Variants in LINC02747 observed in about 807,000 individuals in gnomAD.
LINC02747 encodes CCND1-upstream intergenic DNA repair 2.
chr11:69,478,485 G>T (rs1857016356), intron 1 of LINC02747, among the ~76,000 whole-genome samples: 2 of 152,166 alleles, frequency 1.3e-5, no homozygotes, highest in South Asian at 4.1e-4. Flanking sequence ...CTCAGGGCTG[G>T]GCTGGCGTCT....
At chr11:69,480,792 C>G (rs1175783181) in intron 1 of LINC02747, among the ~76,000 whole-genome samples, 2 of 152,212 alleles carry the variant, frequency 1.3e-5, no homozygotes. Flanking sequence ...CTGACCTCAT[C>G]ATGTGGAAGA....
upstream of LINC02747, chr11:69,481,548 G>T (rs752968639): frequency 6.6e-6 from 1 of 152,342 alleles, no homozygotes; most frequent in African/African-American, 2.4e-5. Flanking sequence ...AGCCCTCTGG[G>T]AATGCGGAGG....
At chr11:69,478,662 T>C (rs1222617072) in intron 1 of LINC02747, among the ~76,000 whole-genome samples, 3 of 151,410 alleles carry the variant, frequency 2.0e-5, no homozygotes, top group Non-Finnish European at 4.4e-5. Context: ...CTGGTCAACA[T>C]GTTTCTACCA....
intron 1 of LINC02747, chr11:69,479,612 G>A (rs905575343): frequency 1.3e-5 from 2 of 152,154 alleles, no homozygotes; most frequent in African/African-American, 4.8e-5. Flanking sequence ...GCTGCCTGGA[G>A]CCTGAGGGTC....
chr11:69,479,058 T>C (rs1193132), intron 1 of LINC02747, among the ~76,000 whole-genome samples: 128,811 of 151,902 alleles, frequency 0.85, 54,619 homozygotes, highest in African/African-American at 0.88. Flanking sequence ...AGTTCGAGAC[T>C]AGCCTGGCCA....
At chr11:69,478,216 C>T (rs1214187300) in intron 1 of LINC02747, among the ~76,000 whole-genome samples, 4 of 152,164 alleles carry the variant, frequency 2.6e-5, no homozygotes, top group East Asian at 3.9e-4. Flanking sequence ...TCCCAGAGGA[C>T]GAGGGTAAGC....
intron 1 of LINC02747, chr11:69,481,390 G>A (rs1313618173): frequency 2.0e-5 from 3 of 152,406 alleles, no homozygotes; most frequent in Non-Finnish European, 4.4e-5. Context: ...CCAACTTCAG[G>A]TCTCCCAGGC....
At chr11:69,477,892 C>A (rs190294477) in intron 1 of LINC02747, among the ~76,000 whole-genome samples, 2 of 152,240 alleles carry the variant, frequency 1.3e-5, no homozygotes, top group Admixed American at 6.5e-5. Context: ...AAATGCAAGA[C>A]CCTCCTTCCA....
chr11:69,478,470 C>G (rs893181765), intron 1 of LINC02747, among the ~76,000 whole-genome samples: 3 of 152,196 alleles, frequency 2.0e-5, no homozygotes, highest in Admixed American at 1.3e-4. Flanking sequence ...TCACTCACAC[C>G]TCTGCTCAGG....
chr11:69,481,001 AACAGGTGCCAGGCACCT>A (rs978683753), intron 1 of LINC02747, among the ~76,000 whole-genome samples: 3 of 152,174 alleles, frequency 2.0e-5, no homozygotes, highest in Admixed American at 6.5e-5. Flanking sequence ...GCAACTGTGT[AACAGGTGCCAGGCACCT>A]ACAGTGTGCT....
At chr11:69,480,538 G>T (rs1204670265) in intron 1 of LINC02747, among the ~76,000 whole-genome samples, 1 of 152,194 alleles carries the variant, frequency 6.6e-6, no homozygotes. Flanking sequence ...GAAGTCCTCT[G>T]AGAGCTTCCC....
At chr11:69,481,486 C>T (rs1857048137) in exon 1 of LINC02747, 1 of 152,400 alleles carries the variant, frequency 6.6e-6, no homozygotes, top group Non-Finnish European at 1.5e-5. Flanking sequence ...TGATGCAGCT[C>T]ACTGTGGCAA....
intron 1 of LINC02747, among the ~76,000 whole-genome samples, chr11:69,477,904 G>C (rs1857011329): frequency 6.6e-6 from 1 of 152,144 alleles, no homozygotes; most frequent in South Asian, 2.1e-4. Flanking sequence ...CTCCTTCCAG[G>C]ACGATCAGAG....
At chr11:69,481,150 G>T (rs991414583) in intron 1 of LINC02747, among the ~76,000 whole-genome samples, 3 of 152,210 alleles carry the variant, frequency 2.0e-5, no homozygotes, top group Admixed American at 6.5e-5. Context: ...GGGGCAGCCA[G>T]TGTTACTAGA....
At chr11:69,479,230 G>A (rs1857025330) in intron 1 of LINC02747, among the ~76,000 whole-genome samples, 1 of 143,070 alleles carries the variant, frequency 7.0e-6, no homozygotes, top group African/African-American at 2.7e-5. Context: ...CCTCCAGCCT[G>A]GGTGACAAAG....
chr11:69,480,447 T>G (rs1344260368), intron 1 of LINC02747, among the ~76,000 whole-genome samples: 1 of 152,132 alleles, frequency 6.6e-6, no homozygotes, highest in African/African-American at 2.4e-5. Context: ...CCCCTTGGCA[T>G]GCTGGAAAAA....
At chr11:69,478,217 G>A (rs1336838329) in intron 1 of LINC02747, among the ~76,000 whole-genome samples, 4 of 152,204 alleles carry the variant, frequency 2.6e-5, no homozygotes, top group Admixed American at 6.5e-5. Flanking sequence ...CCCAGAGGAC[G>A]AGGGTAAGCC....
At chr11:69,477,594 G>A (rs536506016) in exon 2 of LINC02747, 3 of 152,326 alleles carry the variant, frequency 2.0e-5, no homozygotes, top group South Asian at 2.1e-4. Context: ...GGTCCTCACA[G>A]GCTGTCACAA....
At chr11:69,480,206 A>G (rs1383881133) in intron 1 of LINC02747, among the ~76,000 whole-genome samples, 2 of 152,096 alleles carry the variant, frequency 1.3e-5, no homozygotes, top group African/African-American at 2.4e-5. Context: ...GCAGGGTGAC[A>G]TGGCGAGCCT....
Sources: allele counts gnomAD v4.1 joint callset (sites outside exome capture counted in the v4.1 genomes callset), GRCh38; gene constraint gnomAD v4.1.1; transcripts MANE v1.5; gene names NCBI Gene and HGNC (gene_info 2026-07-23, HGNC 2026-07-21).